The following RBFOX1 variants were observed in gnomAD, a reference collection of about 807,000 sequenced individuals.
RBFOX1 encodes the protein RNA binding fox-1 homolog 1, also known as RNA binding protein fox-1 homolog 1.
In RBFOX1, 8 loss-of-function variants were observed where a neutral mutation model predicts 57.7. That is an observed-to-expected ratio of 0.14 (90% CI 0.08 to 0.25). The LOEUF (loss-of-function observed/expected upper bound fraction) is 0.25. Among genes scored for constraint, RBFOX1 ranks in the 10% least tolerant of loss-of-function variants. RBFOX1 has a pLI of 1.00. For synonymous variants in RBFOX1, 326 were observed against 222.4 expected (o/e 1.47, Z -4.15); for missense variants, 611 against 548.5 (o/e 1.11, Z -1.14).
chr16:6,986,673 C>T (rs1031669942), intron 3 of RBFOX1, among the ~76,000 whole-genome samples: 11 of 152,106 alleles, frequency 7.2e-5, no homozygotes, highest in Admixed American at 6.5e-5. Context: ...CCCTTCCTCT[C>T]CCTCCCCTTC....
At chr16:6,070,446 A>G (rs1050431866) in intron 1 of RBFOX1, among the ~76,000 whole-genome samples, 3 of 152,186 alleles carry the variant, frequency 2.0e-5, no homozygotes, top group African/African-American at 7.2e-5. Context: ...ATTTATAAAG[A>G]TAAGCATAGC....
intron 2 of RBFOX1, among the ~76,000 whole-genome samples, chr16:6,358,918 G>A (rs1439036586): frequency 6.6e-6 from 1 of 152,188 alleles, no homozygotes. Flanking sequence ...AACATGAAGG[G>A]TAGCAAAGCT....
chr16:5,808,331 A>G (rs1237075204), intron 3 of RBFOX1, among the ~76,000 whole-genome samples: 7 of 152,170 alleles, frequency 4.6e-5, no homozygotes, highest in Non-Finnish European at 1.5e-5. Flanking sequence ...CCCTTGTAGT[A>G]TAGTTTGAAG....
intron 4 of RBFOX1, among the ~76,000 whole-genome samples, chr16:7,075,698 A>G (rs1314821309): frequency 6.6e-6 from 1 of 152,046 alleles, no homozygotes; most frequent in Non-Finnish European, 1.5e-5. Context: ...CTCCTGCCTC[A>G]GTCTCCCGAG....
chr16:7,229,538 G>T (rs1248855661), intron 4 of RBFOX1, among the ~76,000 whole-genome samples: 1 of 149,468 alleles, frequency 6.7e-6, no homozygotes, highest in African/African-American at 2.5e-5. Context: ...GAGGGAGGAA[G>T]GGAAGGAGAG....
In RBFOX1 at chr16:7,518,136, T is replaced by C; in HGVS notation, c.28-11T>C. The C allele has an allele frequency of 6.2e-7, 1 of 1,606,564 alleles. No individual in the cohort carries two copies. The highest frequency in any genetic ancestry group is 8.5e-7 in the Non-Finnish European group (1 of 1,175,992). On this transcript the variant is annotated splice_polypyrimidine_tract_variant and intron_variant, in intron 4 of 15. Transcript: ENST00000550418. The stretch of plus-strand genomic sequence containing the variant: ...CGTTCTCTCCCTCTCTGCACCTTTT[T>C]GATTTTTCAGGGTAATCAGGAAGCA...
chr16:6,256,448 C>G (rs1038224886), intron 1 of RBFOX1, among the ~76,000 whole-genome samples: 4 of 151,110 alleles, frequency 2.6e-5, no homozygotes, highest in Non-Finnish European at 5.9e-5. Flanking sequence ...AGAGTTCATC[C>G]TTGGAGCCCT....
intron 2 of RBFOX1, among the ~76,000 whole-genome samples, chr16:6,612,282 A>G (rs1426579082): frequency 2.0e-5 from 3 of 152,184 alleles, no homozygotes; most frequent in Non-Finnish European, 2.9e-5. Context: ...ATCACAACAC[A>G]TTTCTCAAAA....
intron 6 of RBFOX1, among the ~76,000 whole-genome samples, chr16:7,584,097 C>T (rs940214006): frequency 2.0e-5 from 3 of 152,150 alleles, no homozygotes; most frequent in African/African-American, 7.2e-5. Context: ...AGGAAGCTGA[C>T]ACTAAGAAAA....
chr16:7,531,373 G>A (rs1009187613), intron 5 of RBFOX1, among the ~76,000 whole-genome samples: 4 of 152,092 alleles, frequency 2.6e-5, no homozygotes, highest in East Asian at 3.9e-4. Flanking sequence ...AGTGGAAATG[G>A]TACTACCAGC....
At chr16:5,933,308 T>C (rs921220690) in intron 4 of RBFOX1, among the ~76,000 whole-genome samples, 3 of 152,168 alleles carry the variant, frequency 2.0e-5, no homozygotes, top group African/African-American at 4.8e-5. Context: ...GGGGAGTCAA[T>C]TGATTACTAA....
chr16:6,570,323 G>A (rs1309150685), intron 2 of RBFOX1, among the ~76,000 whole-genome samples: 3 of 152,120 alleles, frequency 2.0e-5, no homozygotes, highest in Admixed American at 1.3e-4. Flanking sequence ...AATGTATGCT[G>A]CATAAGCAAA....
At chr16:6,858,029 TCTA>T (rs1343772199) in intron 3 of RBFOX1, among the ~76,000 whole-genome samples, 1 of 152,242 alleles carries the variant, frequency 6.6e-6, no homozygotes, top group African/African-American at 2.4e-5. Context: ...GCTTTTCTCT[TCTA>T]CTCACAAATG....
chr16:5,297,908 T>C (rs2063707718), intron 1 of RBFOX1, among the ~76,000 whole-genome samples: 1 of 152,254 alleles, frequency 6.6e-6, no homozygotes, highest in Non-Finnish European at 1.5e-5. Flanking sequence ...CTGTTAGGTA[T>C]TAATGTCTTT....
intron 4 of RBFOX1, among the ~76,000 whole-genome samples, chr16:7,419,071 G>GT (rs202092936): frequency 1.3e-4 from 20 of 151,744 alleles, no homozygotes; most frequent in Admixed American, 2.6e-4. Context: ...CGCCCAGATA[G>GT]TTTTTTTTGT....
intron 4 of RBFOX1, among the ~76,000 whole-genome samples, chr16:7,055,256 T>C (rs2051744804): frequency 6.6e-6 from 1 of 152,240 alleles, no homozygotes; most frequent in African/African-American, 2.4e-5. Context: ...GCAACACTTT[T>C]GTTTATAGAA....
At chr16:6,939,509 T>TTC in intron 3 of RBFOX1, among the ~76,000 whole-genome samples, 3 of 149,802 alleles carry the variant, frequency 2.0e-5, no homozygotes, top group East Asian at 1.9e-4. Context: ...TTTCTTTCTT[T>TTC]TTTTTTTTTT....
At chr16:5,603,849 C>T (rs144777249), downstream of RBFOX1, among the ~76,000 whole-genome samples, 12 of 152,312 alleles carry the variant, frequency 7.9e-5, no homozygotes, top group African/African-American at 2.9e-4. Context: ...GCAAATGCAT[C>T]CTGAACTCGT....
At chr16:7,483,964 C>A (rs114497804) in intron 4 of RBFOX1, among the ~76,000 whole-genome samples, 2,274 of 152,306 alleles carry the variant, frequency 0.015, 54 homozygotes, top group African/African-American at 0.05. Flanking sequence ...AGTTCCTTGA[C>A]CTTAAGTTTC....
Sources: allele counts gnomAD v4.1 joint callset (sites outside exome capture counted in the v4.1 genomes callset), GRCh38; gene constraint gnomAD v4.1.1; transcripts MANE v1.5; gene names NCBI Gene and HGNC (gene_info 2026-07-23, HGNC 2026-07-21).